The following LDLRAD1 variants were observed in gnomAD, a reference collection of about 807,000 sequenced individuals.
LDLRAD1 encodes the protein low-density lipoprotein receptor class A domain-containing protein 1.
A neutral mutation model predicts 24.8 loss-of-function variants in LDLRAD1; 17 were observed. That is an observed-to-expected ratio of 0.69 (90% CI 0.47 to 1.03). The LOEUF (loss-of-function observed/expected upper bound fraction) is 1.03. Ranked by LOEUF, LDLRAD1 falls within the 50% of genes least tolerant of loss-of-function variation. The pLI, the probability that LDLRAD1 is intolerant of heterozygous loss-of-function variation, is 0.00. For synonymous variants in LDLRAD1, 103 were observed against 108.2 expected (o/e 0.95, Z 0.30); for missense variants, 277 against 271.0 (o/e 1.02, Z -0.16).
In LDLRAD1 at chr1:54,008,881, C is replaced by CGGTGG; in HGVS notation, c.*100_*101insCCACC. ...CAGAAATGATGTGTAGATCCCATTT[C>CGGTGG]AAAGGCTGCTTCCTGCCCTTGTGCG... is the stretch of plus-strand genomic sequence containing the variant. On this transcript the variant is annotated 3_prime_UTR_variant, in exon 6 of 6. Coordinates refer to ENST00000371360, the MANE Select transcript of LDLRAD1 (RefSeq NM_001010978.4). 7 of 993,738 alleles carry CGGTGG rather than the reference C, an allele frequency of 7.0e-6. No individual in the cohort carries two copies. The highest frequency in any genetic ancestry group is 2.3e-4 in the Middle Eastern group (1 of 4,444). 61.6% of individuals were successfully genotyped at this position (993,738 alleles called of 1,614,324 possible).
chr1:54,017,155 A>G (rs967236441), intron 2 of LDLRAD1, among the ~76,000 whole-genome samples: 1 of 152,248 alleles, frequency 6.6e-6, no homozygotes, highest in Non-Finnish European at 1.5e-5. Flanking sequence ...AGCACACAGT[A>G]GGTGCTTAAT....
At chr1:54,014,163 GC>G in intron 3 of LDLRAD1, 72 bp downstream of exon 3, 1 of 1,520,608 alleles carries the variant, frequency 6.6e-7, no homozygotes, top group Non-Finnish European at 8.9e-7. Context: ...GCAGGTCGGG[GC>G]TCCCTCATCT....
intron 3 of LDLRAD1, among the ~76,000 whole-genome samples, chr1:54,012,957 G>A (rs1333752791): frequency 1.3e-5 from 2 of 152,110 alleles, no homozygotes; most frequent in Non-Finnish European, 2.9e-5. Flanking sequence ...ATGTGTATAC[G>A]TGTGCATAAT....
At chr1:54,017,304 T>C in intron 2 of LDLRAD1, 72 bp downstream of exon 2, 2 of 1,291,942 alleles carry the variant, frequency 1.5e-6, no homozygotes, top group Non-Finnish European at 2.2e-6. Flanking sequence ...ACCCTCCTCA[T>C]GTCTCTATCG....
At chr1:54,012,009 G>T in intron 4 of LDLRAD1, 134 bp downstream of exon 4, 1 of 1,031,842 alleles carries the variant, frequency 9.7e-7, no homozygotes, top group Non-Finnish European at 1.4e-6. Flanking sequence ...GGTCGGGGCA[G>T]GTGTTCCTGG....
At position 54,014,259 on chromosome 1, in the gene LDLRAD1, A is replaced by C; in HGVS notation, c.179T>G (p.Leu60Arg). The C allele has an allele frequency of 1.3e-6, 2 of 1,560,140 alleles. No individual in the cohort carries two copies. The highest frequency in any genetic ancestry group is 1.7e-6 in the Non-Finnish European group (2 of 1,151,736). ...VAALIALVTI[L>R]GLPSCTPGAQ... ...ACCTGGGGTGCATGATGGGAGTCCA[A>C]GAATGGTGACCAAGGCGATGAGGGC... The change falls in exon 3 of 6, where the codon CTT becomes CGT. Residue 60 changes from leucine to arginine, a missense_variant. Physicochemically the swap from Leu to Arg is moderately radical, Grantham distance 102. Transcript: ENST00000371360.
rs1276631289 is a variant in LDLRAD1, at chr1:54,014,484, G to A, written c.74-120C>T. On this transcript the variant is annotated intron_variant, in intron 2 of 5. Coordinates refer to ENST00000371360, the MANE Select transcript of LDLRAD1 (RefSeq NM_001010978.4). The stretch of plus-strand genomic sequence containing the variant: ...CCTCTCCCCCACGAGGGTGAGCAGA[G>A]CAGGGATGGCTTCCCTGGAGGAGCA... 9 of 955,822 alleles carry A rather than the reference G, an allele frequency of 9.4e-6. No homozygotes were observed. In the East Asian group the frequency reaches 2.1e-4, roughly 22 times the overall value. The allele number at this position is 955,822 out of a possible 1,614,324, so 59.2% of individuals were successfully genotyped here.
At chr1:54,012,345 C>T (rs1222519408) in intron 3 of LDLRAD1, 65 bp from the exon 4 acceptor site, 3 of 1,570,884 alleles carry the variant, frequency 1.9e-6, no homozygotes, top group Non-Finnish European at 2.6e-6. Flanking sequence ...ACCTTCCTCA[C>T]CTGAACTCCG....
chr1:54,012,177 A>G lies in LDLRAD1; in HGVS notation c.306T>C (p.Cys102=). Residue 102 remains cysteine (C), a synonymous_variant, in exon 4 of 6, where the codon TGT becomes TGC. Transcript: ENST00000371360. ...TCTCATCCTCGTCCTCGCCGTGGGT[A>G]CAGGTGCGAACGCCATCACAGACCC... ...ASGVCDGVRT[C]THGEDEDESL... is the part of the protein sequence containing the mutation. 6.2e-7 allele frequency: 1 copy of G among 1,614,114 alleles called. No individual in the cohort carries two copies. The highest frequency in any genetic ancestry group is 8.5e-7 in the Non-Finnish European group (1 of 1,180,004).
intron 3 of LDLRAD1, among the ~76,000 whole-genome samples, chr1:54,013,321 G>A (rs2100255492): frequency 6.6e-6 from 1 of 152,164 alleles, no homozygotes; most frequent in South Asian, 2.1e-4. Context: ...TCCACCTCAG[G>A]GTCTGTGTTC....
rs149768061 is a variant in LDLRAD1 at position 54,010,294 on chromosome 1, C to A, written c.457G>T (p.Glu153Ter). The A allele has an allele frequency of 1.1e-3, 1,847 of 1,614,054 alleles. 14 individuals are homozygous for A. In the African/African-American group the frequency reaches 0.021, roughly 19 times the overall value. ...GTNNCGDCSD[E>*]LSPVTVCPPC... ...CCCAGACCCCTACCTGGGCTCAGTT[C>A]ATCTGAACAGTCCCCGCAGTTGTTA... Residue 153 changes from glutamate (E) to a stop codon, truncating the protein, a stop_gained, in exon 5 of 6, where the codon GAA becomes TAA. Transcript: ENST00000371360. LOFTEE classifies it high-confidence loss of function.
intron 4 of LDLRAD1, among the ~76,000 whole-genome samples, chr1:54,010,885 T>C (rs914212829): frequency 6.6e-6 from 1 of 152,180 alleles, no homozygotes; most frequent in Non-Finnish European, 1.5e-5. Flanking sequence ...AGAGCACCTT[T>C]CTTGAAAGTG....
Position 54,008,910 on chromosome 1 carries a change from G to T in LDLRAD1, c.*72C>A. On this transcript the variant is annotated 3_prime_UTR_variant, in exon 6 of 6. Transcript: ENST00000371360. ...GGCTGCTTCCTGCCCTTGTGCGCTAGGATTTGATTTTCATGTGAAGGGTTA... is the reference window on the plus strand; with the variant it reads ...GGCTGCTTCCTGCCCTTGTGCGCTATGATTTGATTTTCATGTGAAGGGTTA... The T allele has an allele frequency of 7.0e-7, 1 of 1,434,724 alleles. No homozygotes were observed. Among genetic ancestry groups the T allele is most frequent in the Non-Finnish European group, 9.5e-7 (1 of 1,047,406 alleles). The allele number at this position is 1,434,724 out of a possible 1,614,324, so 88.9% of individuals were successfully genotyped here. A position where few individuals can be genotyped will look rare whatever the true frequency, so the allele number is the denominator to read the frequency against.
rs540624479 is a variant in LDLRAD1 at position 54,009,218 on chromosome 1, G to T, written c.470-88C>A. ...GCACTCCCTAGTTCTGAAACCTGCC[G>T]TAGCTCCCCATGGCCCCAACCCATC... On this transcript the variant is annotated intron_variant, in intron 5 of 5. Transcript: ENST00000371360. 277 of 1,297,734 alleles carry T rather than the reference G, an allele frequency of 2.1e-4. 1 individual carries two copies. The African/African-American group carries it at 3.5e-3, about 17-fold the overall frequency. 80.4% of individuals were successfully genotyped at this position (1,297,734 alleles called of 1,614,324 possible). A position where few individuals can be genotyped will look rare whatever the true frequency, so the allele number is the denominator to read the frequency against.
intron 2 of LDLRAD1, among the ~76,000 whole-genome samples, chr1:54,015,268 C>A (rs564367016): frequency 6.6e-6 from 1 of 152,160 alleles, no homozygotes; most frequent in Admixed American, 6.5e-5. Flanking sequence ...CTGTGTCTGG[C>A]CTGTTATTGC....
At chr1:54,010,498 A>G in intron 4 of LDLRAD1, 88 bp from the exon 5 acceptor site, 4 of 1,413,544 alleles carry the variant, frequency 2.8e-6, no homozygotes, top group Non-Finnish European at 3.9e-6. Flanking sequence ...CCACCCTGGC[A>G]GTGGCCAAAC....
chr1:54,012,307 G>A (rs754623596), intron 3 of LDLRAD1, 27 bp from the exon 4 acceptor site: 2 of 1,613,024 alleles, frequency 1.2e-6, no homozygotes, highest in Non-Finnish European at 1.7e-6. Flanking sequence ...AGGCCCTGGA[G>A]GGTCAAGGGT....
Position 54,008,874 on chromosome 1 carries a change from C to CTCGGTGGACA in LDLRAD1, c.*107_*108insTGTCCACCGA. ...TCCTATTCAGAAATGATGTGTAGAT[C>CTCGGTGGACA]CCATTTCAAAGGCTGCTTCCTGCCC... On this transcript the variant is annotated 3_prime_UTR_variant, in exon 6 of 6. Coordinates refer to ENST00000371360, the MANE Select transcript of LDLRAD1 (RefSeq NM_001010978.4). 2 of 992,504 alleles carry CTCGGTGGACA rather than the reference C, an allele frequency of 2.0e-6. No individual in the cohort carries two copies. Among genetic ancestry groups the CTCGGTGGACA allele is most frequent in the South Asian group, 1.7e-5 (1 of 59,714 alleles). 61.5% of individuals were successfully genotyped at this position (992,504 alleles called of 1,614,324 possible).
Position 54,012,291 on chromosome 1 carries a change from A to C in LDLRAD1, c.203-11T>G. On this transcript the variant is annotated splice_polypyrimidine_tract_variant and intron_variant, in intron 3 of 5. Transcript: ENST00000371360. ...TACAAGCTTGGGCTCCTGAATGGGC[A>C]GGGAAAGGCCCTGGAGGGTCAAGGG... 6.2e-7 allele frequency: 1 copy of C among 1,614,004 alleles called. No individual in the cohort carries two copies. Among genetic ancestry groups the C allele is most frequent in the Non-Finnish European group, 8.5e-7 (1 of 1,179,922 alleles).
Sources: allele counts gnomAD v4.1 joint callset (sites outside exome capture counted in the v4.1 genomes callset), GRCh38; gene constraint gnomAD v4.1.1; transcripts MANE v1.5; gene names NCBI Gene and HGNC (gene_info 2026-07-23, HGNC 2026-07-21).